The following TP53BP1 variants were observed in gnomAD, a reference collection of about 807,000 sequenced individuals.
TP53BP1 encodes TP53-binding protein 1.
TP53BP1 carries 61 observed loss-of-function variants against 200.8 expected under a neutral mutation model. That is an observed-to-expected ratio of 0.30 (90% confidence interval 0.25 to 0.38). The LOEUF is 0.38. Ranked by LOEUF, TP53BP1 falls within the 10% of genes least tolerant of loss-of-function variation. TP53BP1 has a pLI of 1.00. For synonymous variants in TP53BP1, 822 were observed against 844.3 expected (o/e 0.97, Z 0.46); for missense variants, 2,144 against 2,371.9 (o/e 0.90, Z 2.00).
rs61433356 is a variant in TP53BP1, at chr15:43,481,460, T to TACACACACAC, written c.372-448_372-439dup. On this transcript the variant is annotated intron_variant, in intron 4 of 27. Transcript: ENST00000382044. The stretch of plus-strand genomic sequence containing the variant: ...TAAGGAGCTTATATATGTATATAAA[T>TACACACACAC]ACACACACACACACACACACACACA... Among the ~76,000 whole-genome samples the TACACACACAC allele has an allele frequency of 3.5e-3, 500 of 143,806 alleles. 3 individuals carry two copies. The highest frequency in any genetic ancestry group is 0.01 in the African/African-American group (391 of 38,900). 94.3% of individuals were successfully genotyped at this position (143,806 alleles called of 152,430 possible).
chr15:43,434,268 T>C (rs954667091), intron 16 of TP53BP1, among the ~76,000 whole-genome samples: 1 of 152,138 alleles, frequency 6.6e-6, no homozygotes, highest in African/African-American at 2.4e-5. Context: ...AGATGCTCAA[T>C]CAATATTAGA....
Position 43,447,501 on chromosome 15 carries a change from AAAAGAAAAAAG to A in TP53BP1, c.2717-27_2717-17del. The A allele has an allele frequency of 6.7e-7, 1 of 1,485,828 alleles. No individual in the cohort carries two copies. Among genetic ancestry groups the A allele is most frequent in the Non-Finnish European group, 9.0e-7 (1 of 1,113,196 alleles). 92.0% of individuals were successfully genotyped at this position (1,485,828 alleles called of 1,614,324 possible). ...AATGGGGTTTCTGAAAAAAAAAAAA[AAAAGAAAAAAG>A]AAAGAAAGAAAAAATGATTTAAAAA... On this transcript the variant is annotated splice_polypyrimidine_tract_variant and intron_variant, in intron 12 of 27. Transcript: ENST00000382044.
intron 21 of TP53BP1, among the ~76,000 whole-genome samples, chr15:43,419,672 C>A (rs2045350404): frequency 1.3e-5 from 2 of 151,326 alleles, no homozygotes; most frequent in South Asian, 4.2e-4. Context: ...TGAGCTACCA[C>A]ACCCACCCAT....
intron 11 of TP53BP1, among the ~76,000 whole-genome samples, chr15:43,459,941 G>A (rs1051910875): frequency 2.6e-5 from 4 of 152,144 alleles, no homozygotes; most frequent in Non-Finnish European, 4.4e-5. Context: ...TGCCTAGGGC[G>A]GGAGAAGGGA....
At chr15:43,425,956 T>C (rs900725656) in intron 18 of TP53BP1, among the ~76,000 whole-genome samples, 2 of 151,728 alleles carry the variant, frequency 1.3e-5, no homozygotes, top group South Asian at 2.1e-4. Flanking sequence ...TCCCAGCTAC[T>C]TGGGAGGCTG....
Position 43,408,063 on chromosome 15 carries a change from T to C in TP53BP1, c.5626A>G (p.Asn1876Asp). ...TCTGATACCAAGAGTACCTTCAGAT[T>C]CTGGAAAGGATTTTCACGGGGTTGC... ...DWQPRENPFQ[N>D]LKVLLVSDQQ... Residue 1876 changes from asparagine to aspartate, a missense_variant, in exon 27 of 28, where the codon AAT becomes GAT. Coordinates refer to ENST00000382044, the MANE Select transcript of TP53BP1 (RefSeq NM_001141980.3). The C allele has an allele frequency of 6.2e-7, 1 of 1,614,068 alleles. No homozygotes were observed. The highest frequency in any genetic ancestry group is 1.1e-5 in the South Asian group (1 of 91,056).
chr15:43,486,964 G>A (rs537148960), intron 4 of TP53BP1, among the ~76,000 whole-genome samples: 3 of 152,158 alleles, frequency 2.0e-5, no homozygotes, highest in Admixed American at 6.5e-5. Context: ...ATATTATTCT[G>A]TTAAAAATAT....
intron 24 of TP53BP1, among the ~76,000 whole-genome samples, chr15:43,412,215 T>C (rs1369201739): frequency 1.3e-5 from 2 of 152,160 alleles, no homozygotes; most frequent in Non-Finnish European, 2.9e-5. Flanking sequence ...GTCGGTGAGA[T>C]ATAGTTTTGG....
intron 5 of TP53BP1, among the ~76,000 whole-genome samples, chr15:43,480,432 A>T (rs2078947321): frequency 6.6e-6 from 1 of 152,184 alleles, no homozygotes; most frequent in Non-Finnish European, 1.5e-5. Flanking sequence ...TGGGCAACAG[A>T]GCAAGACTCC....
In TP53BP1 at chr15:43,506,381, G is replaced by C. The variant is rs187919397; in HGVS notation, c.-9+3989C>G. ...CACTATACATTATGAAGGCCTGGGG[G>C]TTGAGAATTCCCTAACTGGTTTAAA... On this transcript the variant is annotated intron_variant, in intron 1 of 27. Coordinates refer to the TP53BP1 transcript ENST00000263801. Among the ~76,000 whole-genome samples the C allele has an allele frequency of 3.6e-3, 541 of 152,286 alleles. 2 individuals are homozygous for C. The highest frequency in any genetic ancestry group is 0.012 in the African/African-American group (511 of 41,544).
intron 12 of TP53BP1, among the ~76,000 whole-genome samples, chr15:43,454,754 C>G (rs968810006): frequency 1.4e-4 from 21 of 151,750 alleles, no homozygotes; most frequent in Non-Finnish European, 4.4e-5. Flanking sequence ...TTTTGGGAAA[C>G]AGAGTCTCAC....
At chr15:43,408,800 A>G in intron 26 of TP53BP1, 97 bp downstream of exon 26, 1 of 1,253,960 alleles carries the variant, frequency 8.0e-7, no homozygotes, top group Non-Finnish European at 1.1e-6. Flanking sequence ...AGACATTCCA[A>G]TTTCTAGAAA....
intron 4 of TP53BP1, among the ~76,000 whole-genome samples, chr15:43,489,440 G>A (rs1273495675): frequency 6.6e-6 from 1 of 152,168 alleles, no homozygotes; most frequent in East Asian, 1.9e-4. Context: ...TCTTAAAGAG[G>A]TACCATAAAC....
In TP53BP1 at chr15:43,413,412, A is replaced by G; in HGVS notation, c.5090-78T>C. On this transcript the variant is annotated intron_variant, in intron 23 of 27. Transcript: ENST00000382044. ...AAAAGCCTTAACACCAAAAGGCCCC[A>G]GCACCAAGCATGACCTGATGGGCAG... 3 of 1,194,638 alleles carry G rather than the reference A, an allele frequency of 2.5e-6. No homozygotes were observed. In the South Asian group the frequency reaches 4.3e-5, roughly 17 times the overall value. 74.0% of individuals were successfully genotyped at this position (1,194,638 alleles called of 1,614,324 possible).
intron 6 of TP53BP1, 86 bp from the exon 7 acceptor site, chr15:43,479,612 G>C (rs1339653766): frequency 1.4e-6 from 2 of 1,415,440 alleles, no homozygotes; most frequent in African/African-American, 2.9e-5. Flanking sequence ...AAAAAGCAAA[G>C]ATTTTAACAG....
At chr15:43,493,804 T>C (rs2079161463), upstream of TP53BP1, among the ~76,000 whole-genome samples, 1 of 152,226 alleles carries the variant, frequency 6.6e-6, no homozygotes. Flanking sequence ...AGCTTCACAC[T>C]TGTTTATCGT....
rs200761797 is a variant in TP53BP1, at chr15:43,421,937, C to T, written c.4018G>A (p.Gly1340Arg). 9 of 1,614,122 alleles carry T rather than the reference C, an allele frequency of 5.6e-6. No individual in the cohort carries two copies. The highest frequency in any genetic ancestry group is 2.2e-5 in the East Asian group (1 of 44,876). Residue 1340 changes from glycine to arginine, a missense_variant, in exon 19 of 28, where the codon GGA becomes AGA. Physicochemically the swap from Gly to Arg is moderately radical, Grantham distance 125. Around this residue, in one of 4 missense-constraint regions of TP53BP1, gnomAD observed 1,700 missense variants for 1,710.3 expected, o/e 0.99. Coordinates refer to ENST00000382044, the MANE Select transcript of TP53BP1 (RefSeq NM_001141980.3). ...HSSGSSGKGAGPLRGKTSGTE... is the reference protein window; with the variant it reads ...HSSGSSGKGARPLRGKTSGTE... ...CCGCTGGTTTTCCCTCTGAGTGGTC[C>T]GGCTCCTTTCCCTGAGCTTCCACTG...
intron 14 of TP53BP1, among the ~76,000 whole-genome samples, chr15:43,442,138 T>C (rs2045938662): frequency 7.0e-6 from 1 of 143,006 alleles, no homozygotes; most frequent in Admixed American, 7.3e-5. Flanking sequence ...CAGGCTGGAG[T>C]GCAGTGGCGC....
intron 24 of TP53BP1, among the ~76,000 whole-genome samples, chr15:43,410,797 G>A (rs2045092852): frequency 6.6e-6 from 1 of 152,078 alleles, no homozygotes; most frequent in Non-Finnish European, 1.5e-5. Flanking sequence ...AGGAGCTCAG[G>A]CACCGCCGAG....
Sources: gnomAD v4.1 joint callset for allele counts (sites outside exome capture counted in the v4.1 genomes callset) on GRCh38, gnomAD v4.1.1 for gene constraint, gnomAD v4.1.1 regional missense constraint, MANE v1.5 for transcripts, NCBI Gene and HGNC (gene_info 2026-07-23, HGNC 2026-07-21) for gene names.